Variants in CYLD observed in about 807,000 individuals in gnomAD.
The protein encoded by CYLD is CYLD lysine 63 deubiquitinase, also known as ubiquitin carboxyl-terminal hydrolase CYLD.
Under a neutral mutation model 104.5 loss-of-function variants are expected in CYLD, and 26 were observed. The ratio of observed to expected loss-of-function variants is 0.25; its 90% CI spans 0.18 to 0.35. The LOEUF (loss-of-function observed/expected upper bound fraction) is 0.35. Among genes scored for constraint, CYLD ranks in the 10% least tolerant of loss-of-function variants. The pLI, the probability that CYLD is intolerant of heterozygous loss-of-function variation, is 1.00. For synonymous variants in CYLD, 385 were observed against 399.9 expected, an observed-to-expected ratio of 0.96 and a Z score of 0.45; for missense variants, 703 against 1,136.1, an observed-to-expected ratio of 0.62 and a Z score of 5.48.
chr16:50,753,195 G>A (rs1021453481), intron 4 of CYLD, among the ~76,000 whole-genome samples: 3 of 152,312 alleles, frequency 2.0e-5, no homozygotes, highest in Admixed American at 2.0e-4. Context: ...TGAAAAGTTA[G>A]AACCAGAGTA....
At chr16:50,745,151 A>G (rs1456852531) in intron 2 of CYLD, among the ~76,000 whole-genome samples, 1 of 152,180 alleles carries the variant, frequency 6.6e-6, no homozygotes, top group Admixed American at 6.5e-5. Flanking sequence ...AAGTGATTCA[A>G]CCTGCAAAAT....
intron 6 of CYLD, among the ~76,000 whole-genome samples, chr16:50,775,742 AT>A (rs988620151): frequency 6.6e-6 from 1 of 152,208 alleles, no homozygotes; most frequent in African/African-American, 2.4e-5. Flanking sequence ...CAGTAAAGAA[AT>A]TGTTTATCTT....
chr16:50,782,285 G>A (rs370113906), intron 10 of CYLD, 40 bp from the exon 11 acceptor site: 1 of 1,420,874 alleles, frequency 7.0e-7, no homozygotes, highest in Admixed American at 1.9e-5. Flanking sequence ...TAGTTTAAAA[G>A]AATTCTTTTC....
chr16:50,754,877 A>G (rs201742429), intron 5 of CYLD, among the ~76,000 whole-genome samples: 30 of 147,410 alleles, frequency 2.0e-4, no homozygotes, highest in Middle Eastern at 3.5e-3. Context: ...ACACATATGT[A>G]TATATATATA....
intron 11 of CYLD, among the ~76,000 whole-genome samples, chr16:50,782,766 A>G (rs567893955): frequency 6.6e-6 from 1 of 152,316 alleles, no homozygotes; most frequent in East Asian, 1.9e-4. Context: ...CAAACAACAT[A>G]ACTTGCAGTA....
chr16:50,743,837 A>G lies in CYLD; in HGVS notation c.-124+996A>G, dbSNP rs79825626. Among the ~76,000 whole-genome samples the G allele has an allele frequency of 8.3e-3, 1,271 of 152,350 alleles. 15 individuals carry two copies. The highest frequency in any genetic ancestry group is 0.026 in the African/African-American group (1,080 of 41,570). On this transcript the variant is annotated intron_variant, in intron 2 of 18. Transcript: ENST00000427738. Reference sequence around the variant, plus strand: ...TTTGTTTCTTCTTATATGTATAACAATGAAGTGGTTTAGCATGATTTCATT... The same window carrying G: ...TTTGTTTCTTCTTATATGTATAACAGTGAAGTGGTTTAGCATGATTTCATT...
At chr16:50,754,929 A>G (rs1025517108) in intron 5 of CYLD, among the ~76,000 whole-genome samples, 5 of 148,372 alleles carry the variant, frequency 3.4e-5, no homozygotes, top group Non-Finnish European at 5.9e-5. Flanking sequence ...ACATATATAC[A>G]CACATATGTA....
chr16:50,780,582 G>A lies in CYLD; in HGVS notation c.1518+538G>A, dbSNP rs59920161. ...CACCCAGACTGGAGTGCAGTAGCAC[G>A]GTCAGGGCTCACTGCAGCCTCGACC... is the stretch of plus-strand genomic sequence containing the variant. On this transcript the variant is annotated intron_variant, in intron 9 of 18. Coordinates refer to ENST00000427738, the MANE Select transcript of CYLD (RefSeq NM_001378743.1). Among the ~76,000 whole-genome samples the A allele has an allele frequency of 8.1e-3, 1,239 of 152,266 alleles. 19 individuals carry two copies. Among genetic ancestry groups the A allele is most frequent in the African/African-American group, 0.029 (1,197 of 41,544 alleles).
chr16:50,780,665 T>A (rs1326905414), intron 9 of CYLD, among the ~76,000 whole-genome samples: 2 of 152,020 alleles, frequency 1.3e-5, no homozygotes, highest in Non-Finnish European at 2.9e-5. Context: ...ATTACAGACA[T>A]GTACCATCAT....
Position 50,761,971 on chromosome 16 carries a change from TC to T in CYLD, c.913+7548del, listed in dbSNP as rs1468356975. On this transcript the variant is annotated intron_variant, in intron 5 of 18. Coordinates refer to ENST00000427738, the MANE Select transcript of CYLD (RefSeq NM_001378743.1). ...TGTAGCGTGGTATATTTCTGGACTTTCTATTCTGTCTTCCCACGTTTCAATA... is the reference window on the plus strand; with the variant it reads ...TGTAGCGTGGTATATTTCTGGACTTTTATTCTGTCTTCCCACGTTTCAATA... Among the ~76,000 whole-genome samples, 4 of 152,358 alleles carry T rather than the reference TC, an allele frequency of 2.6e-5. No individual in the cohort carries two copies. In the East Asian group the frequency reaches 7.7e-4, roughly 29 times the overall value.
intron 5 of CYLD, among the ~76,000 whole-genome samples, chr16:50,754,965 A>G (rs1447731310): frequency 2.1e-5 from 3 of 145,390 alleles, no homozygotes; most frequent in Non-Finnish European, 3.0e-5. Flanking sequence ...ATACATATAC[A>G]CACATATATG....
At chr16:50,753,147 A>G (rs910593922) in intron 4 of CYLD, among the ~76,000 whole-genome samples, 1 of 152,208 alleles carries the variant, frequency 6.6e-6, no homozygotes, top group Non-Finnish European at 1.5e-5. Flanking sequence ...TCTGATACTC[A>G]TTGGTTAGTT....
chr16:50,761,746 A>ATCTATCTATCTATC (rs1967949037), intron 5 of CYLD, among the ~76,000 whole-genome samples: 3 of 149,778 alleles, frequency 2.0e-5, no homozygotes, highest in African/African-American at 5.0e-5. Context: ...ACATATCTCT[A>ATCTATCTATCTATC]TATCTATCTA....
chr16:50,754,886 T>TATAC (rs967450215), intron 5 of CYLD, among the ~76,000 whole-genome samples: 40 of 149,826 alleles, frequency 2.7e-4, no homozygotes, highest in African/African-American at 9.4e-4. Flanking sequence ...TATATATATA[T>TATAC]ACGCATATAT....
In CYLD at chr16:50,781,396, C is replaced by T. The variant is rs2150996100; in HGVS notation, c.1669C>T (p.Arg557Cys). The T allele has an allele frequency of 6.2e-7, 1 of 1,613,478 alleles. No homozygotes were observed. Among genetic ancestry groups the T allele is most frequent in the Non-Finnish European group, 8.5e-7 (1 of 1,179,830 alleles). Reference sequence around the variant, plus strand: ...GCAGCCGGTTTCCAATCAGATTGAGCGCTGTAACTCTTTAGGTATTTGGAT... The same window carrying T: ...GCAGCCGGTTTCCAATCAGATTGAGTGCTGTAACTCTTTAGGTATTTGGAT... The part of the protein sequence containing the change: ...SLQPVSNQIE[R>C]CNSLAFGGYL... Residue 557 changes from arginine to cysteine, a missense_variant, in exon 10 of 19, where the codon CGC (arginine) becomes TGC (cysteine). This residue lies in a region of CYLD where 125 missense variants were observed against 325.4 expected (regional missense o/e 0.38). Transcript: ENST00000427738.
intron 10 of CYLD, 86 bp from the exon 11 acceptor site, chr16:50,782,239 A>T: frequency 8.8e-7 from 1 of 1,137,118 alleles, no homozygotes; most frequent in Non-Finnish European, 1.2e-6. Context: ...AAAACATTTT[A>T]AAATGAAAAA....
intron 5 of CYLD, among the ~76,000 whole-genome samples, chr16:50,759,357 A>G (rs961211752): frequency 6.6e-6 from 1 of 152,256 alleles, no homozygotes; most frequent in Non-Finnish European, 1.5e-5. Flanking sequence ...ACAGAACATT[A>G]GAAGTACCTT....
intron 4 of CYLD, 122 bp downstream of exon 4, chr16:50,752,028 T>C: frequency 1.8e-5 from 5 of 278,822 alleles, no homozygotes; most frequent in Non-Finnish European, 3.0e-5. Flanking sequence ...GTATAGTTTA[T>C]ATATATATGT....
intron 5 of CYLD, among the ~76,000 whole-genome samples, chr16:50,770,411 C>T (rs990317819): frequency 6.0e-5 from 9 of 151,050 alleles, no homozygotes; most frequent in Admixed American, 1.3e-4. Context: ...AACATCGTTC[C>T]GTGTACTCAC....
Sources: gnomAD v4.1 joint callset for allele counts (sites outside exome capture counted in the v4.1 genomes callset) on GRCh38, gnomAD v4.1.1 for gene constraint, gnomAD v4.1.1 regional missense constraint, MANE v1.5 for transcripts, NCBI Gene and HGNC (gene_info 2026-07-23, HGNC 2026-07-21) for gene names.